Variants in EDNRA observed in about 807,000 individuals in gnomAD.
EDNRA encodes the protein endothelin receptor type A.
EDNRA carries 11 observed loss-of-function variants against 41.4 expected under a neutral mutation model. The ratio of observed to expected loss-of-function variants is 0.27; its 90% CI spans 0.17 to 0.44. The LOEUF (loss-of-function observed/expected upper bound fraction) is 0.44, where lower values mean the gene tolerates loss of function less well. Among genes scored for constraint, EDNRA ranks in the 20% least tolerant of loss-of-function variants. The pLI, the probability that EDNRA is intolerant of heterozygous loss-of-function variation, is 1.00. For synonymous variants in EDNRA, 172 were observed against 183.0 expected (o/e 0.94, Z 0.49); for missense variants, 294 against 531.0 (o/e 0.55, Z 4.39).
intron 2 of EDNRA, among the ~76,000 whole-genome samples, chr4:147,514,113 A>G (rs1730015660): frequency 6.6e-6 from 1 of 152,218 alleles, no homozygotes; most frequent in Non-Finnish European, 1.5e-5. Context: ...TTTCATATGC[A>G]TTAACCCATT....
At chr4:147,516,426 A>C (rs1395484035) in intron 2 of EDNRA, among the ~76,000 whole-genome samples, 2 of 152,240 alleles carry the variant, frequency 1.3e-5, no homozygotes, top group African/African-American at 2.4e-5. Flanking sequence ...TTTCAAATAG[A>C]AAATAAATTT....
At chr4:147,511,014 A>G (rs1424948280) in intron 2 of EDNRA, among the ~76,000 whole-genome samples, 1 of 152,210 alleles carries the variant, frequency 6.6e-6, no homozygotes, top group African/African-American at 2.4e-5. Flanking sequence ...CTTGTTTGGC[A>G]GAGGAGGGAG....
chr4:147,493,843 T>C (rs1244719076), intron 2 of EDNRA: 2 of 152,196 alleles, frequency 1.3e-5, no homozygotes, highest in Admixed American at 6.5e-5. Flanking sequence ...TGGAAAAAAA[T>C]TAAATAAATA....
At chr4:147,521,630 A>G (rs944494510) in intron 3 of EDNRA, among the ~76,000 whole-genome samples, 2 of 152,208 alleles carry the variant, frequency 1.3e-5, no homozygotes, top group Admixed American at 6.5e-5. Context: ...TTATCTAAAA[A>G]TTAAAAGCAT....
At chr4:147,507,131 A>C (rs1355158605) in intron 2 of EDNRA, among the ~76,000 whole-genome samples, 1 of 152,172 alleles carries the variant, frequency 6.6e-6, no homozygotes, top group Non-Finnish European at 1.5e-5. Context: ...ACAGAATCAA[A>C]GAGAATAATA....
At chr4:147,541,530 C>A (rs1731103808) in intron 7 of EDNRA, among the ~76,000 whole-genome samples, 1 of 152,178 alleles carries the variant, frequency 6.6e-6, no homozygotes, top group African/African-American at 2.4e-5. Context: ...ATTGGATGAT[C>A]ACAGTATCTC....
chr4:147,485,781 G>A lies in EDNRA; in HGVS notation c.100G>A (p.Val34Met), dbSNP rs1254328233. Residue 34 changes from valine (V) to methionine (M), a missense_variant, in exon 2 of 8, where the codon GTG becomes ATG. Coordinates refer to ENST00000651419, the MANE Select transcript of EDNRA (RefSeq NM_001957.4). ...ATACAGCACAAATCTAAGCAATCAT[G>A]TGGATGATTTCACCACTTTTCGTGG... ...ERYSTNLSNH[V>M]DDFTTFRGTE... The A allele has an allele frequency of 1.2e-6, 2 of 1,614,234 alleles. No homozygotes were observed. Among genetic ancestry groups the A allele is most frequent in the East Asian group, 2.2e-5 (1 of 44,882 alleles).
At chr4:147,504,957 CAAAA>C (rs57911108) in intron 2 of EDNRA, among the ~76,000 whole-genome samples, 3 of 39,036 alleles carry the variant, frequency 7.7e-5, no homozygotes, top group Admixed American at 3.2e-4. Flanking sequence ...GACCCTGTCT[CAAAA>C]AAAAAAAAAA....
chr4:147,540,053 A>G (rs1032641496), intron 6 of EDNRA, 103 bp downstream of exon 6: 1 of 1,457,570 alleles, frequency 6.9e-7, no homozygotes, highest in African/African-American at 1.4e-5. Flanking sequence ...AGCCCTGAAA[A>G]TTAAAACTGC....
At position 147,544,903 on chromosome 4, in the gene EDNRA, C is replaced by T. The variant is rs1049013793; in HGVS notation, c.*2285C>T. On this transcript the variant is annotated 3_prime_UTR_variant, in exon 8 of 8. Transcript: ENST00000651419. ...GTAGAAATGAGCCAGAAGCCAAGGCCCTGAGTTGGCAGTGGCCCATAAGTG... is the reference window on the plus strand; with the variant it reads ...GTAGAAATGAGCCAGAAGCCAAGGCTCTGAGTTGGCAGTGGCCCATAAGTG... The T allele has an allele frequency of 6.6e-6, 1 of 152,508 alleles. No homozygotes were observed. The highest frequency in any genetic ancestry group is 6.5e-5 in the Admixed American group (1 of 15,268). 9.4% of individuals were successfully genotyped at this position (152,508 alleles called of 1,614,324 possible).
Position 147,519,769 on chromosome 4 carries a change from G to A in EDNRA, c.421-82G>A. 1 of 1,480,810 alleles carries A rather than the reference G, an allele frequency of 6.8e-7. No homozygotes were observed. Among genetic ancestry groups the A allele is most frequent in the East Asian group, 2.4e-5 (1 of 41,570 alleles). 91.7% of individuals were successfully genotyped at this position (1,480,810 alleles called of 1,614,324 possible). On this transcript the variant is annotated intron_variant, in intron 2 of 7. Transcript: ENST00000651419. The surrounding 1 kb of genome is among the most constrained non-coding windows in gnomAD (Gnocchi z 4.1). ...GCACTGTGAATAAAATTTAGAAGTT[G>A]GGACGCATAACTAAAACTGTAAGTG...
chr4:147,532,119 T>C (rs1277804178), intron 3 of EDNRA, among the ~76,000 whole-genome samples: 1 of 142,908 alleles, frequency 7.0e-6, no homozygotes, highest in Non-Finnish European at 1.5e-5. Flanking sequence ...GAGACCATCC[T>C]GGCTAGCACG....
intron 2 of EDNRA, chr4:147,494,221 T>C (rs2126391515): frequency 6.6e-6 from 1 of 152,290 alleles, no homozygotes; most frequent in East Asian, 1.9e-4. Flanking sequence ...AGACATTGGG[T>C]AAATAGCAGC....
chr4:147,503,439 A>G (rs1022381241), intron 2 of EDNRA, among the ~76,000 whole-genome samples: 2 of 152,156 alleles, frequency 1.3e-5, no homozygotes, highest in East Asian at 3.9e-4. Flanking sequence ...AAAGAGCAGG[A>G]AAAGATCCTT....
chr4:147,525,902 G>T (rs372201313), intron 3 of EDNRA, among the ~76,000 whole-genome samples: 10 of 152,302 alleles, frequency 6.6e-5, no homozygotes, highest in African/African-American at 2.4e-4. Flanking sequence ...TCAAATAATT[G>T]ATCAGTGGTC....
chr4:147,488,514 T>A (rs994687498), intron 2 of EDNRA: 10 of 149,502 alleles, frequency 6.7e-5, no homozygotes, highest in African/African-American at 2.5e-4. Context: ...TAGGTAGGAG[T>A]ACATTTGTGT....
intron 2 of EDNRA, among the ~76,000 whole-genome samples, chr4:147,498,218 C>T (rs1400554): frequency 0.42 from 63,292 of 152,122 alleles, 14,993 homozygotes; most frequent in African/African-American, 0.66. Flanking sequence ...TTTGCAATCT[C>T]ATGAATAAGA....
chr4:147,511,759 T>C (rs1729936216), intron 2 of EDNRA, among the ~76,000 whole-genome samples: 2 of 152,208 alleles, frequency 1.3e-5, no homozygotes, highest in South Asian at 4.1e-4. Flanking sequence ...AAATAGGCAC[T>C]AGCATGTCTG....
chr4:147,498,916 T>A (rs1729408807), intron 2 of EDNRA, among the ~76,000 whole-genome samples: 1 of 152,232 alleles, frequency 6.6e-6, no homozygotes, highest in South Asian at 2.1e-4. Context: ...CTTCATAACC[T>A]TTGATATTTT....
Sources: gnomAD v4.1 joint callset for allele counts (sites outside exome capture counted in the v4.1 genomes callset) on GRCh38, gnomAD v4.1.1 for gene constraint, Gnocchi (gnomAD v3.1) non-coding constraint, MANE v1.5 for transcripts, NCBI Gene and HGNC (gene_info 2026-07-23, HGNC 2026-07-21) for gene names.